HSD17B6: variants seen among roughly 807,000 people sequenced by gnomAD.
The protein encoded by HSD17B6 is 17-beta-hydroxysteroid dehydrogenase type 6.
In HSD17B6, 16 loss-of-function variants were observed where a neutral mutation model predicts 26.4. The observed-to-expected ratio is 0.61, with a 90% CI of 0.41 to 0.92. HSD17B6 has a LOEUF of 0.92. Among genes scored for constraint, HSD17B6 ranks in the 40% least tolerant of loss-of-function variants. HSD17B6 has a pLI of 0.00. For synonymous variants in HSD17B6, 139 were observed against 153.0 expected, an observed-to-expected ratio of 0.91 and a Z score of 0.68; for missense variants, 357 against 386.1, an observed-to-expected ratio of 0.92 and a Z score of 0.63.
intron 1 of HSD17B6, among the ~76,000 whole-genome samples, chr12:56,764,134 GA>G (rs1286567249): frequency 7.6e-6 from 1 of 131,898 alleles, no homozygotes; most frequent in African/African-American, 2.9e-5. Flanking sequence ...AAAAAGAAAA[GA>G]AAAAACAATT....
At chr12:56,768,729 G>T (rs1375522751) in intron 1 of HSD17B6, among the ~76,000 whole-genome samples, 3 of 149,450 alleles carry the variant, frequency 2.0e-5, no homozygotes, top group Non-Finnish European at 4.5e-5. Context: ...GGAGTCAAAT[G>T]GAGGCAAACA....
intron 1 of HSD17B6, among the ~76,000 whole-genome samples, chr12:56,772,515 T>TA (rs1300434161): frequency 6.6e-6 from 1 of 151,424 alleles, no homozygotes; most frequent in Non-Finnish European, 1.5e-5. Flanking sequence ...GCCAACATGG[T>TA]AAAAAACTCT....
intron 1 of HSD17B6, among the ~76,000 whole-genome samples, chr12:56,765,124 T>G: frequency 6.6e-6 from 1 of 152,030 alleles, no homozygotes; most frequent in East Asian, 1.9e-4. Context: ...ATGCCTGGCC[T>G]CATGATTCTA....
intron 2 of HSD17B6, among the ~76,000 whole-genome samples, chr12:56,778,561 G>A (rs918037188): frequency 2.6e-5 from 4 of 152,110 alleles, no homozygotes; most frequent in African/African-American, 4.8e-5. Context: ...ACAGGCATGA[G>A]CCACTGCGCC....
intron 2 of HSD17B6, among the ~76,000 whole-genome samples, chr12:56,779,136 ATTATT>A (rs1286579486): frequency 6.6e-6 from 1 of 150,974 alleles, no homozygotes; most frequent in Non-Finnish European, 1.5e-5. Flanking sequence ...CTTTATTATT[ATTATT>A]TTATTTTTTT....
intron 2 of HSD17B6, among the ~76,000 whole-genome samples, chr12:56,781,047 G>A (rs1020586249): frequency 1.3e-5 from 2 of 151,956 alleles, no homozygotes; most frequent in Non-Finnish European, 2.9e-5. Context: ...TGAAAAAAAT[G>A]GCCTTACTAA....
intron 3 of HSD17B6, among the ~76,000 whole-genome samples, chr12:56,782,460 T>G (rs1954743228): frequency 6.6e-6 from 1 of 152,154 alleles, no homozygotes; most frequent in African/African-American, 2.4e-5. Context: ...GGTCTTTGTC[T>G]TCTACCACTA....
At chr12:56,775,350 T>A (rs1954569452) in intron 2 of HSD17B6, among the ~76,000 whole-genome samples, 1 of 152,176 alleles carries the variant, frequency 6.6e-6, no homozygotes, top group African/African-American at 2.4e-5. Flanking sequence ...TTCAATTAGC[T>A]GGGATTAGAA....
chr12:56,783,473 C>T (rs1954779851), intron 3 of HSD17B6, among the ~76,000 whole-genome samples: 1 of 140,404 alleles, frequency 7.1e-6, no homozygotes, highest in South Asian at 2.2e-4. Flanking sequence ...CCGGATGGGG[C>T]AGCTGGCCGG....
intron 1 of HSD17B6, among the ~76,000 whole-genome samples, chr12:56,766,943 G>A (rs1053191912): frequency 6.6e-6 from 1 of 152,148 alleles, no homozygotes; most frequent in Non-Finnish European, 1.5e-5. Context: ...CTGGCTGTGA[G>A]AGACAGGAGC....
At chr12:56,770,775 G>A (rs1954453187) in intron 1 of HSD17B6, among the ~76,000 whole-genome samples, 1 of 152,110 alleles carries the variant, frequency 6.6e-6, no homozygotes, top group East Asian at 1.9e-4. Context: ...ACTAAGGAGG[G>A]TATAGTCAAT....
chr12:56,773,933 C>G lies in HSD17B6; in HGVS notation c.81C>G (p.Leu27=). 6.2e-7 allele frequency: 1 copy of G among 1,614,074 alleles called. No individual in the cohort carries two copies. The highest frequency in any genetic ancestry group is 8.5e-7 in the Non-Finnish European group (1 of 1,179,946). The change falls in exon 2 of 5, where the codon CTC becomes CTG. Residue 27 remains leucine (L), a synonymous_variant. Coordinates refer to ENST00000322165, the MANE Select transcript of HSD17B6 (RefSeq NM_003725.4). ...WYRERQVVSH[L]QDKYVFITGC... is the part of the protein sequence containing the mutation. The stretch of plus-strand genomic sequence containing the variant: ...GGGAGAGGCAGGTGGTGAGCCACCT[C>G]CAAGACAAGTATGTCTTTATCACGG...
At position 56,774,105 on chromosome 12, in the gene HSD17B6, AC is replaced by A. The variant is rs757197531; in HGVS notation, c.255del (p.Lys86ArgfsTer12). The A allele has an allele frequency of 6.2e-7, 1 of 1,609,176 alleles. No individual in the cohort carries two copies. Among genetic ancestry groups the A allele is most frequent in the South Asian group, 1.1e-5 (1 of 90,462 alleles). On this transcript the variant is annotated frameshift_variant, in exon 2 of 5. Coordinates refer to ENST00000322165, the MANE Select transcript of HSD17B6 (RefSeq NM_003725.4). LOFTEE classifies it high-confidence loss of function. ...GCTGGAGACGGTGACCCTGGATGTTACCAAGATGGAGAGCATCGCTGCAGCT... is the reference window on the plus strand; with the variant it reads ...GCTGGAGACGGTGACCCTGGATGTTACAAGATGGAGAGCATCGCTGCAGCT... ...DRLETVTLDV[T>X]KMESIAAATQ...
At chr12:56,784,460 C>T (rs1009410243) in intron 3 of HSD17B6, among the ~76,000 whole-genome samples, 19 of 152,300 alleles carry the variant, frequency 1.2e-4, no homozygotes, top group East Asian at 1.9e-4. Context: ...GGATCACTCG[C>T]GGTTAGGAGC....
At chr12:56,777,631 G>A (rs927789581) in intron 2 of HSD17B6, among the ~76,000 whole-genome samples, 1 of 152,062 alleles carries the variant, frequency 6.6e-6, no homozygotes, top group Non-Finnish European at 1.5e-5. Context: ...CCAAAGTGCT[G>A]GGATTACAGG....
rs565199724 is a variant in HSD17B6, at chr12:56,767,971, G to A, written c.-20+4557G>A. Reference sequence around the variant, plus strand: ...TGTGAAACCATGTGTGTGTGTGTGTGTATATTGTGTATATATATATATGGT... The same window carrying A: ...TGTGAAACCATGTGTGTGTGTGTGTATATATTGTGTATATATATATATGGT... On this transcript the variant is annotated intron_variant, in intron 1 of 4. Transcript: ENST00000322165. Among the ~76,000 whole-genome samples the A allele has an allele frequency of 5.3e-5, 8 of 150,982 alleles. No homozygotes were observed. The East Asian group carries it at 7.8e-4, about 15-fold the overall frequency.
intron 1 of HSD17B6, among the ~76,000 whole-genome samples, chr12:56,771,093 A>C (rs1271073859): frequency 1.3e-5 from 2 of 152,204 alleles, no homozygotes; most frequent in Non-Finnish European, 2.9e-5. Context: ...AGTTCAGCCC[A>C]GTGTGGAACT....
intron 1 of HSD17B6, among the ~76,000 whole-genome samples, chr12:56,772,320 T>C (rs1031457086): frequency 1.3e-5 from 2 of 152,210 alleles, no homozygotes; most frequent in South Asian, 2.1e-4. Flanking sequence ...TGTGTATCAG[T>C]GCCTAACACT....
intron 1 of HSD17B6, among the ~76,000 whole-genome samples, chr12:56,772,689 C>A (rs1482654398): frequency 7.3e-6 from 1 of 136,910 alleles, no homozygotes. Flanking sequence ...AAGAGTGAAA[C>A]TCTGTCTCAA....
Sources: gnomAD v4.1 joint callset for allele counts (sites outside exome capture counted in the v4.1 genomes callset) on GRCh38, gnomAD v4.1.1 for gene constraint, MANE v1.5 for transcripts, NCBI Gene and HGNC (gene_info 2026-07-23, HGNC 2026-07-21) for gene names.